EVPLL: variants seen among roughly 807,000 people sequenced by gnomAD.
EVPLL encodes envoplakin-like protein.
In EVPLL, 39 loss-of-function variants were observed where a neutral mutation model predicts 46.2. The observed-to-expected ratio is 0.84, with a 90% CI of 0.65 to 1.10. EVPLL has a LOEUF of 1.10. EVPLL is among the 50% of genes least tolerant of loss of function. The pLI is 0.00. For synonymous variants in EVPLL, 156 were observed against 165.8 expected (o/e 0.94, Z 0.46); for missense variants, 385 against 412.6 (o/e 0.93, Z 0.58).
intron 4 of EVPLL, 69 bp from the exon 5 acceptor site, chr17:18,382,444 G>A (rs1987609805): frequency 1.4e-5 from 22 of 1,539,686 alleles, no homozygotes; most frequent in Non-Finnish European, 1.8e-5. Flanking sequence ...TCTCCGGGTG[G>A]GAGACGTGTG....
rs1468483978 is a variant in EVPLL at position 18,380,956 on chromosome 17, C to G, written c.19C>G (p.Gln7Glu). 1 of 1,596,742 alleles carries G rather than the reference C, an allele frequency of 6.3e-7. No homozygotes were observed. The highest frequency in any genetic ancestry group is 8.5e-7 in the Non-Finnish European group (1 of 1,172,350). ...CTCCCACATGCAAGCCAGCGCCGAC[C>G]AGGTGGAGCGGGACATCCTGGAGAC... MQASAD[Q>E]VERDILETQK... The change falls in exon 2 of 11, where the codon CAG becomes GAG. Residue 7 changes from glutamine (Q) to glutamate (E), a missense_variant. Coordinates refer to ENST00000399134, the MANE Select transcript of EVPLL (RefSeq NM_001145127.2).
At chr17:18,380,547 CCAGGCTGGCTCAGGTACTACCGGCTCA>C in intron 1 of EVPLL, 1 of 202,388 alleles carries the variant, frequency 4.9e-6, no homozygotes, top group Non-Finnish European at 1.0e-5. Flanking sequence ...CAGGGCCCAG[CCAGGCTGGCTCAGGTACTACCGGCTCA>C]CAGGGGGGAA....
At position 18,382,577 on chromosome 17, in the gene EVPLL, T is replaced by A; in HGVS notation, c.411T>A (p.Ala137=). ...GAGCTGGAGGAACAGATCGCGGAGC[T>A]CAACATCGTGCAGAAGGAGATCAAC... ...HGGAGGTDRG[A]QHRAEGDQRP... The change falls in exon 5 of 11, where the codon GCT becomes GCA. Residue 137 remains alanine, a synonymous_variant. Transcript: ENST00000399134. 1 of 1,551,650 alleles carries A rather than the reference T, an allele frequency of 6.4e-7. No individual in the cohort carries two copies. Among genetic ancestry groups the A allele is most frequent in the Middle Eastern group, 1.7e-4 (1 of 5,992 alleles).
intron 9 of EVPLL, among the ~76,000 whole-genome samples, chr17:18,387,317 C>T (rs1370301555): frequency 5.3e-5 from 8 of 151,874 alleles, no homozygotes; most frequent in Non-Finnish European, 1.2e-4. Flanking sequence ...TGGTCATACC[C>T]CCAAAATATA....
chr17:18,384,820 C>G (rs948523616), intron 9 of EVPLL, among the ~76,000 whole-genome samples: 1 of 152,190 alleles, frequency 6.6e-6, no homozygotes, highest in African/African-American at 2.4e-5. Flanking sequence ...ACCCGGTTCT[C>G]TGGGGCCCAG....
intron 9 of EVPLL, chr17:18,386,500 T>G (rs1987767567): frequency 6.6e-6 from 1 of 152,194 alleles, no homozygotes; most frequent in African/African-American, 2.4e-5. Context: ...GCCCAAGACA[T>G]GCGTCTGGCC....
Position 18,381,888 on chromosome 17 carries a change from T to A in EVPLL, c.346+158T>A. 7 of 1,211,278 alleles carry A rather than the reference T, an allele frequency of 5.8e-6. No homozygotes were observed. In the South Asian group the frequency reaches 8.7e-5, roughly 15 times the overall value. The allele number at this position is 1,211,278 out of a possible 1,614,324, so 75.0% of individuals were successfully genotyped here. On this transcript the variant is annotated intron_variant, in intron 4 of 10. Coordinates refer to ENST00000399134, the MANE Select transcript of EVPLL (RefSeq NM_001145127.2). The surrounding 1 kb of genome is among the most constrained non-coding windows in gnomAD (Gnocchi z 4.2). ...AGGAGACAGTGCAGTCAGGGAAGACTTCCTGTAGGAGGAGGCACATGAAGA... is the reference window on the plus strand; with the variant it reads ...AGGAGACAGTGCAGTCAGGGAAGACATCCTGTAGGAGGAGGCACATGAAGA...
At chr17:18,380,601 T>G (rs1598094349) in intron 1 of EVPLL, 2 of 254,162 alleles carry the variant, frequency 7.9e-6, no homozygotes, top group Non-Finnish European at 7.6e-6. Flanking sequence ...GGCAGCTGGG[T>G]GGGGTCGGGA....
rs1350067982 is a variant in EVPLL at position 18,381,313 on chromosome 17, G to T, written c.64-54G>T. ...GGGCTCAGGCCCACAATGATGGGCA[G>T]CAGGGGTGTGGGGGCTCTGGACCCT... On this transcript the variant is annotated intron_variant, in intron 2 of 10. Transcript: ENST00000399134. This position sits in a 1 kb window ranked among gnomAD's most constrained non-coding sequence, Gnocchi z 4.2. 2.7e-6 allele frequency: 4 copies of T among 1,497,902 alleles called. No individual in the cohort carries two copies. The Admixed American group carries it at 8.7e-5, about 33-fold the overall frequency. 92.8% of individuals were successfully genotyped at this position (1,497,902 alleles called of 1,614,324 possible).
intron 1 of EVPLL, 183 bp from the exon 2 acceptor site, chr17:18,380,719 G>A (rs1483766757): frequency 1.7e-6 from 1 of 594,672 alleles, no homozygotes; most frequent in Non-Finnish European, 3.0e-6. Flanking sequence ...TGGCGGGGCA[G>A]TGCTAACACC....
rs376808340 is a variant in EVPLL at position 18,381,776 on chromosome 17, G to A, written c.346+46G>A. ...CCCCAGTGTGATCAGAGGGTGATAC[G>A]GAACTGCATTTAACCCAGGGCCTGA... On this transcript the variant is annotated intron_variant, in intron 4 of 10. Transcript: ENST00000399134. This position sits in a 1 kb window ranked among gnomAD's most constrained non-coding sequence, Gnocchi z 4.2. 3.6e-5 allele frequency: 58 copies of A among 1,613,164 alleles called. 1 individual carries two copies. In the African/African-American group the frequency reaches 5.1e-4, roughly 14 times the overall value.
rs1362153707 is a variant in EVPLL at position 18,382,584 on chromosome 17, C to T, written c.418C>T (p.Arg140Cys). 11 of 1,551,728 alleles carry T rather than the reference C, an allele frequency of 7.1e-6. No individual in the cohort carries two copies. In the East Asian group the frequency reaches 7.3e-5, roughly 10 times the overall value. Residue 140 changes from arginine to cysteine, a missense_variant, in exon 5 of 11, where the codon CGT becomes TGT. Physicochemically the swap from Arg to Cys is radical, Grantham distance 180. Coordinates refer to ENST00000399134, the MANE Select transcript of EVPLL (RefSeq NM_001145127.2). ...AGGAACAGATCGCGGAGCTCAACAT[C>T]GTGCAGAAGGAGATCAACGACCAAG... ...AGGTDRGAQH[R>C]AEGDQRPRRA...
At position 18,383,501 on chromosome 17, in the gene EVPLL, G is replaced by C; in HGVS notation, c.790G>C (p.Glu264Gln). Reference sequence around the variant, plus strand: ...GTGCTGCGGTACCCAGGCCCACCAGGAGGCCCTGAAGATGGAGTGGCAGAA... The same window carrying C: ...GTGCTGCGGTACCCAGGCCCACCAGCAGGCCCTGAAGATGGAGTGGCAGAA... The part of the protein sequence containing the change: ...PAVGPIQAHQ[E>Q]ALKMEWQNFL... Residue 264 changes from glutamate to glutamine, a missense_variant, in exon 9 of 11, where the codon GAG becomes CAG. Coordinates refer to ENST00000399134, the MANE Select transcript of EVPLL (RefSeq NM_001145127.2). The C allele has an allele frequency of 6.3e-7, 1 of 1,580,114 alleles. No homozygotes were observed. Among genetic ancestry groups the C allele is most frequent in the Non-Finnish European group, 8.6e-7 (1 of 1,162,958 alleles).
At position 18,382,581 on chromosome 17, in the gene EVPLL, C is replaced by T; in HGVS notation, c.415C>T (p.His139Tyr). The T allele has an allele frequency of 1.3e-6, 2 of 1,551,854 alleles. No homozygotes were observed. The highest frequency in any genetic ancestry group is 4.9e-5 in the East Asian group (2 of 40,908). Residue 139 changes from histidine (H) to tyrosine (Y), a missense_variant, in exon 5 of 11, where the codon CAT becomes TAT. Physicochemically the swap from His to Tyr is moderately conservative, Grantham distance 83. Transcript: ENST00000399134. ...GAGGTDRGAQ[H>Y]RAEGDQRPRR... ...TGGAGGAACAGATCGCGGAGCTCAACATCGTGCAGAAGGAGATCAACGACC... is the reference window on the plus strand; with the variant it reads ...TGGAGGAACAGATCGCGGAGCTCAATATCGTGCAGAAGGAGATCAACGACC...
intron 1 of EVPLL, among the ~76,000 whole-genome samples, chr17:18,378,516 A>T (rs577573598): frequency 7.9e-5 from 12 of 152,226 alleles, no homozygotes; most frequent in South Asian, 6.2e-4. Flanking sequence ...TGTATTGAAG[A>T]GTTAGGGGTT....
chr17:18,386,347 T>C (rs1987763253), intron 9 of EVPLL: 1 of 152,172 alleles, frequency 6.6e-6, no homozygotes, highest in South Asian at 2.1e-4. Context: ...TGTCTCCAAA[T>C]AAGATCACAT....
chr17:18,385,114 C>T (rs981320868), intron 9 of EVPLL, among the ~76,000 whole-genome samples: 1 of 150,968 alleles, frequency 6.6e-6, no homozygotes, highest in African/African-American at 2.4e-5. Context: ...GTCCCAGTTT[C>T]CGGTGCAGTT....
At chr17:18,382,084 G>T in intron 4 of EVPLL, 1 of 393,196 alleles carries the variant, frequency 2.5e-6, no homozygotes, top group Non-Finnish European at 4.8e-6. Flanking sequence ...TCTGATCCCT[G>T]GTTGAGGAGT....
At chr17:18,387,205 G>GA (rs1987796450) in intron 9 of EVPLL, among the ~76,000 whole-genome samples, 1 of 151,206 alleles carries the variant, frequency 6.6e-6, no homozygotes, top group Admixed American at 6.6e-5. Flanking sequence ...GGCCTGGTCA[G>GA]TTTTTTAATT....
Sources: gnomAD v4.1 joint callset for allele counts (sites outside exome capture counted in the v4.1 genomes callset) on GRCh38, gnomAD v4.1.1 for gene constraint, Gnocchi (gnomAD v3.1) non-coding constraint, MANE v1.5 for transcripts, NCBI Gene and HGNC (gene_info 2026-07-23, HGNC 2026-07-21) for gene names.